ANO3: variants seen among roughly 807,000 people sequenced by gnomAD.
The protein encoded by ANO3 is anoctamin 3.
Under a neutral mutation model 144.8 loss-of-function variants are expected in ANO3, and 99 were observed. The ratio of observed to expected loss-of-function variants is 0.68; its 90% confidence interval spans 0.58 to 0.81. The LOEUF is 0.81. Ranked by LOEUF, ANO3 falls within the 30% of genes least tolerant of loss-of-function variation. The pLI, the probability that ANO3 is intolerant of heterozygous loss-of-function variation, is 0.00. For synonymous variants in ANO3, 414 were observed against 392.6 expected (o/e 1.05, Z -0.64); for missense variants, 905 against 1,202.2 (o/e 0.75, Z 3.66).
At chr11:26,191,180 A>T (rs1487407353) in intron 1 of ANO3, among the ~76,000 whole-genome samples, 1 of 152,050 alleles carries the variant, frequency 6.6e-6, no homozygotes, top group African/African-American at 2.4e-5. Context: ...GGAGGCTGAG[A>T]CAGGCGAGAA....
At chr11:26,222,358 G>T (rs899674997) in intron 1 of ANO3, among the ~76,000 whole-genome samples, 3 of 152,190 alleles carry the variant, frequency 2.0e-5, no homozygotes, top group Non-Finnish European at 4.4e-5. Context: ...GCTTTTCAGG[G>T]TGCAGCCCCC....
intron 17 of ANO3, among the ~76,000 whole-genome samples, chr11:26,619,475 A>AT (rs1465593163): frequency 1.1e-4 from 16 of 151,324 alleles, no homozygotes; most frequent in Admixed American, 4.6e-4. Flanking sequence ...TTTATTATTT[A>AT]TTTTTTTTTA....
At chr11:26,297,249 T>C (rs1854115213) in intron 1 of ANO3, among the ~76,000 whole-genome samples, 1 of 151,786 alleles carries the variant, frequency 6.6e-6, no homozygotes, top group African/African-American at 2.4e-5. Context: ...GTGTTTCTTT[T>C]TTTTATCCCT....
intron 1 of ANO3, among the ~76,000 whole-genome samples, chr11:26,222,396 G>C (rs886743852): frequency 2.6e-5 from 4 of 152,162 alleles, no homozygotes; most frequent in Non-Finnish European, 5.9e-5. Context: ...TTGGAGTTGC[G>C]TGCCTGCAGC....
At chr11:26,269,178 C>A (rs1463473589) in intron 1 of ANO3, among the ~76,000 whole-genome samples, 1 of 152,184 alleles carries the variant, frequency 6.6e-6, no homozygotes, top group East Asian at 1.9e-4. Context: ...CTCCCTCCAC[C>A]CTCCATACTG....
chr11:26,436,245 T>C (rs1406954329), intron 1 of ANO3, among the ~76,000 whole-genome samples: 1 of 152,196 alleles, frequency 6.6e-6, no homozygotes, highest in African/African-American at 2.4e-5. Flanking sequence ...CAGCAAGGGC[T>C]AGTGCTGTGA....
intron 17 of ANO3, among the ~76,000 whole-genome samples, chr11:26,620,525 A>T (rs181404681): frequency 9.7e-4 from 148 of 152,198 alleles, no homozygotes; most frequent in African/African-American, 3.6e-3. Context: ...AATTCCAATT[A>T]AAAATTTTTA....
chr11:26,436,566 T>C (rs1378877896), intron 1 of ANO3, among the ~76,000 whole-genome samples: 1 of 152,108 alleles, frequency 6.6e-6, no homozygotes, highest in African/African-American at 2.4e-5. Flanking sequence ...ATGGACCTGC[T>C]GCCAGCCCCA....
intron 1 of ANO3, among the ~76,000 whole-genome samples, chr11:26,395,313 G>C (rs965776162): frequency 3.3e-5 from 5 of 152,074 alleles, no homozygotes; most frequent in Admixed American, 3.3e-4. Flanking sequence ...ATTCTGTGAC[G>C]AAAGTCAGTG....
intron 1 of ANO3, among the ~76,000 whole-genome samples, chr11:26,316,218 T>A (rs779108133): frequency 6.6e-6 from 1 of 152,100 alleles, no homozygotes; most frequent in African/African-American, 2.4e-5. Context: ...CACAAGATAG[T>A]GAAAGCTGGG....
intron 4 of ANO3, among the ~76,000 whole-genome samples, chr11:26,467,261 C>T (rs2134064824): frequency 6.6e-6 from 1 of 151,894 alleles, no homozygotes; most frequent in Non-Finnish European, 1.5e-5. Flanking sequence ...AATGAGGTAT[C>T]CATCACCTCA....
chr11:26,345,479 G>C (rs1256029246), intron 1 of ANO3, among the ~76,000 whole-genome samples: 1 of 152,210 alleles, frequency 6.6e-6, no homozygotes, highest in African/African-American at 2.4e-5. Context: ...CTTGAATCCA[G>C]AGGCAGCAGT....
intron 1 of ANO3, among the ~76,000 whole-genome samples, chr11:26,361,946 TTTAGAC>T (rs1408227798): frequency 1.3e-5 from 2 of 152,182 alleles, no homozygotes; most frequent in African/African-American, 4.8e-5. Flanking sequence ...TTTCCAGTTC[TTTAGAC>T]TTAGTGTATG....
intron 4 of ANO3, among the ~76,000 whole-genome samples, chr11:26,485,642 C>A (rs7121768): frequency 3.3e-5 from 5 of 152,274 alleles, no homozygotes; most frequent in African/African-American, 4.8e-5. Flanking sequence ...ATGCTTGGTC[C>A]TTTGTATGAC....
chr11:26,400,451 C>A (rs991637412), intron 1 of ANO3, among the ~76,000 whole-genome samples: 1 of 151,836 alleles, frequency 6.6e-6, no homozygotes, highest in East Asian at 1.9e-4. Flanking sequence ...ACACTGAAAA[C>A]CATTTTAAAA....
At chr11:26,492,850 TCAAGTCCATGTC>T (rs1485377477) in intron 4 of ANO3, among the ~76,000 whole-genome samples, 1 of 152,168 alleles carries the variant, frequency 6.6e-6, no homozygotes, top group East Asian at 1.9e-4. Context: ...TTAGGAAAAT[TCAAGTCCATGTC>T]CAAGTTCTGC....
At chr11:26,616,242 C>T (rs1852258032) in intron 17 of ANO3, among the ~76,000 whole-genome samples, 1 of 152,178 alleles carries the variant, frequency 6.6e-6, no homozygotes, top group African/African-American at 2.4e-5. Flanking sequence ...CATAATGCCA[C>T]TCATCTCCCT....
At chr11:26,582,047 A>G (rs1216391527) in intron 14 of ANO3, among the ~76,000 whole-genome samples, 2 of 152,160 alleles carry the variant, frequency 1.3e-5, no homozygotes, top group Non-Finnish European at 2.9e-5. Flanking sequence ...TTCTCATATT[A>G]AGTAGTAACA....
intron 1 of ANO3, among the ~76,000 whole-genome samples, chr11:26,390,124 T>C (rs1160866972): frequency 6.6e-6 from 1 of 152,164 alleles, no homozygotes; most frequent in Admixed American, 6.6e-5. Flanking sequence ...TTAGAGTTTT[T>C]AGAAAGTGAT....
Sources: gnomAD v4.1 joint callset for allele counts (sites outside exome capture counted in the v4.1 genomes callset) on GRCh38, gnomAD v4.1.1 for gene constraint, MANE v1.5 for transcripts, NCBI Gene and HGNC (gene_info 2026-07-23, HGNC 2026-07-21) for gene names.